Variants in ELF1 observed in about 807,000 individuals in gnomAD.
ELF1 encodes the protein E74 like ETS transcription factor 1.
ELF1 carries 24 observed loss-of-function variants against 59.9 expected under a neutral mutation model. The observed-to-expected ratio is 0.40, with a 90% confidence interval of 0.29 to 0.56. The LOEUF is 0.56. ELF1 is among the 20% of genes least tolerant of loss of function. The pLI is 0.44. For synonymous variants in ELF1, 248 were observed against 266.2 expected (o/e 0.93, Z 0.67); for missense variants, 627 against 742.2 (o/e 0.84, Z 1.80).
intron 1 of ELF1, among the ~76,000 whole-genome samples, chr13:41,046,446 T>C (rs1593411681): frequency 6.6e-6 from 1 of 152,238 alleles, no homozygotes; most frequent in Non-Finnish European, 1.5e-5. Flanking sequence ...CCATGTTTAG[T>C]GCTTCCTTCA....
At chr13:41,051,466 G>A (rs1167201669) in intron 1 of ELF1, among the ~76,000 whole-genome samples, 2 of 151,940 alleles carry the variant, frequency 1.3e-5, no homozygotes, top group African/African-American at 4.8e-5. Context: ...AAACACAGAC[G>A]TTTGAACAGC....
exon 1 of ELF1, chr13:41,060,866 T>C (rs1877546231): frequency 3.0e-6 from 1 of 330,884 alleles, no homozygotes; most frequent in Non-Finnish European, 5.9e-6. Context: ...TCTGCCTCCT[T>C]CGCCGCACCT....
At chr13:40,978,925 A>G (rs1401261829) in intron 2 of ELF1, among the ~76,000 whole-genome samples, 1 of 152,122 alleles carries the variant, frequency 6.6e-6, no homozygotes, top group Non-Finnish European at 1.5e-5. Flanking sequence ...CAGGTTTGTT[A>G]CATGAGTATA....
chr13:40,944,951 T>G (rs763196316), intron 5 of ELF1, among the ~76,000 whole-genome samples: 8 of 152,154 alleles, frequency 5.3e-5, no homozygotes, highest in Non-Finnish European at 1.0e-4. Flanking sequence ...TGAAGTCATT[T>G]GGGTGAATGA....
At chr13:41,031,855 T>C (rs1265728552) in intron 1 of ELF1, among the ~76,000 whole-genome samples, 1 of 148,448 alleles carries the variant, frequency 6.7e-6, no homozygotes, top group African/African-American at 2.5e-5. Flanking sequence ...CCTCATCAAA[T>C]TGTTATATAA....
intron 1 of ELF1, among the ~76,000 whole-genome samples, chr13:41,032,962 C>T (rs1027915949): frequency 1.3e-5 from 2 of 152,076 alleles, no homozygotes; most frequent in East Asian, 3.8e-4. Context: ...GGACTGATGA[C>T]TGACTTGGCT....
At chr13:41,024,874 A>G (rs1036789686) in intron 1 of ELF1, among the ~76,000 whole-genome samples, 26 of 152,184 alleles carry the variant, frequency 1.7e-4, no homozygotes, top group African/African-American at 5.8e-4. Flanking sequence ...AGTACTCATC[A>G]TATCACAGGA....
chr13:41,021,660 A>G (rs1875695610), upstream of ELF1, among the ~76,000 whole-genome samples: 1 of 152,222 alleles, frequency 6.6e-6, no homozygotes, highest in Non-Finnish European at 1.5e-5. Flanking sequence ...AATAGTATCT[A>G]CCACACAGAT....
At position 41,060,712 on chromosome 13, in the gene ELF1, C is replaced by CA. The variant is rs925240588; in HGVS notation, c.-229+125dup. 81 of 160,170 alleles carry CA rather than the reference C, an allele frequency of 5.1e-4. 3 individuals are homozygous for CA. The highest frequency in any genetic ancestry group is 2.3e-3 in the South Asian group (15 of 6,396). 9.9% of individuals were successfully genotyped at this position (160,170 alleles called of 1,614,324 possible). A position where few individuals can be genotyped will look rare whatever the true frequency, so the allele number is the denominator to read the frequency against. On this transcript the variant is annotated intron_variant, in intron 1 of 1. Coordinates refer to the ELF1 transcript ENST00000405737. ...AGTCAGCCCTCCAAACCGATAGTTGCAAAAAAAAAGAAAAATAAGGAAGCG... is the reference window on the plus strand; with the variant it reads ...AGTCAGCCCTCCAAACCGATAGTTGCAAAAAAAAAAGAAAAATAAGGAAGCG...
chr13:41,057,280 G>GC (rs1877322179), intron 1 of ELF1, among the ~76,000 whole-genome samples: 1 of 151,178 alleles, frequency 6.6e-6, no homozygotes, highest in Non-Finnish European at 1.5e-5. Flanking sequence ...CCTTAGGCTT[G>GC]CAAGTAGCTA....
At chr13:40,989,337 T>C (rs965188996) in intron 1 of ELF1, among the ~76,000 whole-genome samples, 1 of 152,174 alleles carries the variant, frequency 6.6e-6, no homozygotes, top group Non-Finnish European at 1.5e-5. Context: ...AATCATTTCA[T>C]TGCACTCAGT....
chr13:40,950,385 G>A (rs1308538435), intron 4 of ELF1, among the ~76,000 whole-genome samples: 2 of 152,122 alleles, frequency 1.3e-5, no homozygotes, highest in Non-Finnish European at 2.9e-5. Flanking sequence ...GCCTTACAAA[G>A]CTTCTGTAAT....
At chr13:40,943,173 G>A in intron 6 of ELF1, 29 bp from the exon 7 acceptor site, 1 of 1,449,938 alleles carries the variant, frequency 6.9e-7, no homozygotes, top group Non-Finnish European at 9.2e-7. Flanking sequence ...CTTTCTAAAT[G>A]ACCAAAATTT....
At chr13:40,978,230 T>C (rs1004685189) in intron 2 of ELF1, among the ~76,000 whole-genome samples, 1 of 151,814 alleles carries the variant, frequency 6.6e-6, no homozygotes, top group African/African-American at 2.4e-5. Context: ...ATACAAAAAT[T>C]AGCTGGGCGT....
chr13:41,000,119 T>C (rs919071704), intron 1 of ELF1, among the ~76,000 whole-genome samples: 1 of 152,082 alleles, frequency 6.6e-6, no homozygotes, highest in African/African-American at 2.4e-5. Context: ...TCTTCGTCAC[T>C]GAAATACAGA....
intron 1 of ELF1, chr13:40,982,921 T>A (rs2324746): frequency 1.0e-6 from 1 of 980,712 alleles, no homozygotes. Context: ...TTATCTCTAG[T>A]ATAGGCTTGC....
intron 1 of ELF1, among the ~76,000 whole-genome samples, chr13:41,056,422 A>C (rs748261091): frequency 3.3e-5 from 5 of 152,226 alleles, no homozygotes; most frequent in Non-Finnish European, 7.3e-5. Flanking sequence ...TTGCTTATGA[A>C]TAATGCTGCT....
chr13:41,013,296 C>T (rs1240244811), intron 1 of ELF1, among the ~76,000 whole-genome samples: 1 of 152,202 alleles, frequency 6.6e-6, no homozygotes, highest in Non-Finnish European at 1.5e-5. Flanking sequence ...AGAACTTCTA[C>T]ATTTATGTCC....
rs1243822179 is a variant in ELF1 at position 40,932,690 on chromosome 13, T to C, written c.*735A>G. The C allele has an allele frequency of 1.3e-5, 2 of 152,220 alleles. No individual in the cohort carries two copies. Among genetic ancestry groups the C allele is most frequent in the African/African-American group, 2.4e-5 (1 of 41,454 alleles). 9.4% of individuals were successfully genotyped at this position (152,220 alleles called of 1,614,324 possible). ...ATTTAATTGACATAACTTGAAAATA[T>C]AGGTATTAGAATTAAAAAAATTAGA... On this transcript the variant is annotated 3_prime_UTR_variant, in exon 9 of 9. Transcript: ENST00000239882.
Sources: allele counts gnomAD v4.1 joint callset (sites outside exome capture counted in the v4.1 genomes callset), GRCh38; gene constraint gnomAD v4.1.1; transcripts MANE v1.5; gene names NCBI Gene and HGNC (gene_info 2026-07-23, HGNC 2026-07-21).